The following VPS50 variants were observed in gnomAD, a reference collection of about 807,000 sequenced individuals.
VPS50 encodes the protein syndetin.
Under a neutral mutation model 139.7 loss-of-function variants are expected in VPS50, and 70 were observed. The ratio of observed to expected loss-of-function variants is 0.50; its 90% CI spans 0.41 to 0.61. The LOEUF is 0.61. VPS50 is among the 20% of genes least tolerant of loss of function. The pLI is 0.00. For synonymous variants in VPS50, 365 were observed against 376.7 expected (o/e 0.97, Z 0.36); for missense variants, 921 against 1,133.7 (o/e 0.81, Z 2.69).
intron 15 of VPS50, 129 bp downstream of exon 15, chr7:93,296,965 T>G: frequency 7.0e-7 from 1 of 1,433,028 alleles, no homozygotes; most frequent in Non-Finnish European, 9.1e-7. Flanking sequence ...AGTTTGTGAG[T>G]GTATTTAAAT....
intron 21 of VPS50, among the ~76,000 whole-genome samples, chr7:93,330,405 G>A (rs79935660): frequency 0.053 from 8,013 of 152,098 alleles, 721 homozygotes; most frequent in African/African-American, 0.18. Context: ...ATGGCAGATT[G>A]TCAGAATGGA....
intron 2 of VPS50, among the ~76,000 whole-genome samples, chr7:93,245,797 C>T (rs1036926634): frequency 5.3e-5 from 8 of 151,820 alleles, no homozygotes; most frequent in Admixed American, 1.3e-4. Context: ...ACTGATGAAC[C>T]GGCTATCTTT....
intron 21 of VPS50, among the ~76,000 whole-genome samples, chr7:93,330,855 A>G (rs1056179289): frequency 2.0e-5 from 3 of 152,010 alleles, no homozygotes; most frequent in Admixed American, 6.6e-5. Flanking sequence ...ATTGGAAAAG[A>G]AGTTAGGTTG....
At chr7:93,279,819 G>A (rs148320495) in intron 12 of VPS50, among the ~76,000 whole-genome samples, 3 of 152,298 alleles carry the variant, frequency 2.0e-5, no homozygotes, top group Admixed American at 6.5e-5. Flanking sequence ...GAATGCTACA[G>A]AGTAAGAGGC....
chr7:93,243,577 A>G (rs143475284), intron 2 of VPS50, among the ~76,000 whole-genome samples: 3 of 152,132 alleles, frequency 2.0e-5, no homozygotes, highest in African/African-American at 7.2e-5. Context: ...GGATTCTGTT[A>G]TGTTTCAAAT....
At chr7:93,324,520 G>C (rs1199350232) in intron 21 of VPS50, among the ~76,000 whole-genome samples, 2 of 152,152 alleles carry the variant, frequency 1.3e-5, no homozygotes, top group Admixed American at 6.5e-5. Context: ...TTTGTCAAAG[G>C]CCTTTTCTGC....
chr7:93,338,865 A>G (rs935894109), intron 22 of VPS50, among the ~76,000 whole-genome samples: 2 of 152,170 alleles, frequency 1.3e-5, no homozygotes, highest in African/African-American at 2.4e-5. Context: ...AGAGCTCTCT[A>G]TTCATGGGCT....
intron 21 of VPS50, among the ~76,000 whole-genome samples, chr7:93,332,364 C>G (rs906775943): frequency 2.1e-4 from 32 of 152,322 alleles, no homozygotes; most frequent in African/African-American, 7.2e-4. Flanking sequence ...GACCCACCCT[C>G]ATGACCTCAG....
chr7:93,296,863 T>G, intron 15 of VPS50, 27 bp downstream of exon 15: 2 of 1,569,170 alleles, frequency 1.3e-6, no homozygotes, highest in Non-Finnish European at 1.7e-6. Context: ...TGTCTTATTC[T>G]TTAGTTTGAG....
At chr7:93,246,086 T>C in intron 2 of VPS50, 1 of 1,512,992 alleles carries the variant, frequency 6.6e-7, no homozygotes, top group South Asian at 1.2e-5. Context: ...ACGCTTCTTT[T>C]TTTTTTTGCT....
chr7:93,281,258 G>C (rs890893702), intron 12 of VPS50, among the ~76,000 whole-genome samples: 9 of 151,970 alleles, frequency 5.9e-5, no homozygotes, highest in Non-Finnish European at 1.3e-4. Flanking sequence ...AGTATTTTTT[G>C]ATACTGAATT....
intron 12 of VPS50, among the ~76,000 whole-genome samples, chr7:93,290,657 C>G (rs182581785): frequency 1.2e-3 from 182 of 152,010 alleles, no homozygotes; most frequent in Non-Finnish European, 2.2e-3. Context: ...TTAAGCCATT[C>G]TAGCATTCTT....
intron 22 of VPS50, among the ~76,000 whole-genome samples, chr7:93,336,598 C>T (rs1022724826): frequency 2.0e-5 from 3 of 152,208 alleles, no homozygotes; most frequent in Non-Finnish European, 4.4e-5. Flanking sequence ...ACTGCAACCT[C>T]CACCTCCCAG....
chr7:93,316,248 T>C (rs1008568368), intron 20 of VPS50, among the ~76,000 whole-genome samples: 4 of 152,072 alleles, frequency 2.6e-5, no homozygotes, highest in Non-Finnish European at 5.9e-5. Flanking sequence ...GCAGAGGAGA[T>C]GTGACGAGAA....
intron 12 of VPS50, among the ~76,000 whole-genome samples, chr7:93,280,152 A>G (rs1186047827): frequency 6.6e-6 from 1 of 152,102 alleles, no homozygotes; most frequent in Admixed American, 6.5e-5. Flanking sequence ...TTAAAAGTTT[A>G]GTTGGTTTTG....
chr7:93,236,345 G>A lies in VPS50; in HGVS notation c.34-3521G>A, dbSNP rs537768652. ...ATAGGGGGAGAGAAATTAGGGACTG[G>A]GTGTAAACACTCTTGAGTTTTGCCG... On this transcript the variant is annotated intron_variant, in intron 1 of 27. Transcript: ENST00000305866. 2.4e-4 allele frequency among the ~76,000 whole-genome samples: 37 copies of A among 152,196 alleles called. No individual in the cohort carries two copies. The South Asian group carries it at 2.5e-3, about 10-fold the overall frequency.
chr7:93,232,817 G>A (rs1372631567), intron 1 of VPS50, among the ~76,000 whole-genome samples: 1 of 152,116 alleles, frequency 6.6e-6, no homozygotes, highest in Non-Finnish European at 1.5e-5. Flanking sequence ...AAGGTCTTCC[G>A]CATCCAGGCT....
intron 20 of VPS50, among the ~76,000 whole-genome samples, chr7:93,322,809 G>A (rs1038089626): frequency 2.0e-5 from 3 of 152,084 alleles, no homozygotes; most frequent in Non-Finnish European, 4.4e-5. Flanking sequence ...CTGGGGACTT[G>A]CAGTTATTTG....
intron 9 of VPS50, among the ~76,000 whole-genome samples, chr7:93,270,036 T>C (rs1179897543): frequency 3.3e-5 from 5 of 152,088 alleles, no homozygotes; most frequent in Non-Finnish European, 7.4e-5. Context: ...TGTTAAAATA[T>C]GTTCTCTGTG....
Sources: gnomAD v4.1 joint callset for allele counts (sites outside exome capture counted in the v4.1 genomes callset) on GRCh38, gnomAD v4.1.1 for gene constraint, MANE v1.5 for transcripts, NCBI Gene and HGNC (gene_info 2026-07-23, HGNC 2026-07-21) for gene names.